Variants in EMILIN2 observed in about 807,000 individuals in gnomAD.
The protein encoded by EMILIN2 is EMILIN-2.
Under a neutral mutation model 87.1 loss-of-function variants are expected in EMILIN2, and 71 were observed. The observed-to-expected ratio is 0.82, with a 90% CI of 0.67 to 0.99. EMILIN2 has a LOEUF of 0.99. Among genes scored for constraint, EMILIN2 ranks in the 50% least tolerant of loss-of-function variants. The pLI is 0.00. For synonymous variants in EMILIN2, 581 were observed against 563.4 expected (o/e 1.03, Z -0.44); for missense variants, 1,407 against 1,371.8 (o/e 1.03, Z -0.40).
intron 2 of EMILIN2, among the ~76,000 whole-genome samples, chr18:2,878,508 AAG>A (rs1555667442): frequency 2.0e-5 from 3 of 152,118 alleles, no homozygotes; most frequent in South Asian, 4.1e-4. Flanking sequence ...AAAAAAAAAA[AAG>A]AGGCTAAATT....
At chr18:2,869,344 A>T (rs1252525128) in intron 2 of EMILIN2, among the ~76,000 whole-genome samples, 1 of 152,276 alleles carries the variant, frequency 6.6e-6, no homozygotes, top group Non-Finnish European at 1.5e-5. Context: ...GAAGTTGTAC[A>T]GTTTAATATT....
intron 2 of EMILIN2, among the ~76,000 whole-genome samples, chr18:2,884,017 G>A (rs1052692953): frequency 6.6e-6 from 1 of 151,992 alleles, no homozygotes; most frequent in African/African-American, 2.4e-5. Context: ...GTGCAGTGGC[G>A]CGATCTCGGC....
rs1181786179 is a variant in EMILIN2, at chr18:2,848,183, G to A, written c.257+252G>A. On this transcript the variant is annotated intron_variant, in intron 2 of 7. Transcript: ENST00000254528. The surrounding 1 kb of genome is among the most constrained non-coding windows in gnomAD (Gnocchi z 4.1). ...AGTGTGGGGTCGCGGGGGCGTAGGA[G>A]AGGATGAACAAAGCTCCCACTCCCA... is the stretch of plus-strand genomic sequence containing the variant. 1.3e-5 allele frequency among the ~76,000 whole-genome samples: 2 copies of A among 152,248 alleles called. No individual in the cohort carries two copies. The highest frequency in any genetic ancestry group is 3.8e-4 in the East Asian group (2 of 5,196).
chr18:2,879,164 G>A (rs1400914454), intron 2 of EMILIN2, among the ~76,000 whole-genome samples: 1 of 152,152 alleles, frequency 6.6e-6, no homozygotes, highest in Non-Finnish European at 1.5e-5. Context: ...ATCAAGACGT[G>A]AACAGATGCG....
chr18:2,907,185 C>T (rs2144071074), intron 5 of EMILIN2, 100 bp downstream of exon 5: 1 of 1,168,618 alleles, frequency 8.6e-7, no homozygotes, highest in Non-Finnish European at 1.1e-6. Flanking sequence ...GGGGTCCAGC[C>T]TTCGGGGGGG....
intron 7 of EMILIN2, among the ~76,000 whole-genome samples, chr18:2,910,978 T>C (rs1336145190): frequency 1.3e-5 from 2 of 152,322 alleles, no homozygotes; most frequent in South Asian, 2.1e-4. Context: ...TCCAGGCCTC[T>C]GCTCAGAGTG....
At chr18:2,898,113 C>A (rs1168926539) in intron 4 of EMILIN2, among the ~76,000 whole-genome samples, 1 of 152,212 alleles carries the variant, frequency 6.6e-6, no homozygotes, top group Admixed American at 6.5e-5. Context: ...TCTCAGCAGG[C>A]ATCCTCTTTT....
rs754222996 is a variant in EMILIN2 at position 2,909,778 on chromosome 18, A to G, written c.2783A>G (p.Lys928Arg). ...PSDGGVVLFN[K>R]VLVNDGDVYN... Reference sequence around the variant, plus strand: ...GATGGGGGCGTTGTCCTCTTTAACAAAGTGCTGGTGAACGACGGGGATGTT... The same window carrying G: ...GATGGGGGCGTTGTCCTCTTTAACAGAGTGCTGGTGAACGACGGGGATGTT... The change falls in exon 7 of 8, where the codon AAA becomes AGA. Residue 928 changes from lysine (K) to arginine (R), a missense_variant. Coordinates refer to ENST00000254528, the MANE Select transcript of EMILIN2 (RefSeq NM_032048.3). The G allele has an allele frequency of 2.8e-5, 45 of 1,613,072 alleles. No individual in the cohort carries two copies. Among genetic ancestry groups the G allele is most frequent in the Non-Finnish European group, 3.8e-5 (45 of 1,179,736 alleles).
At chr18:2,912,205 ATTT>A (rs11401685) in intron 7 of EMILIN2, among the ~76,000 whole-genome samples, 2 of 151,106 alleles carry the variant, frequency 1.3e-5, no homozygotes, top group East Asian at 3.9e-4. Context: ...CGCCCATCTA[ATTT>A]TTTTTGTATT....
At position 2,884,160 on chromosome 18, in the gene EMILIN2, G is replaced by A. The variant is rs1391978781; in HGVS notation, c.258-804G>A. Among the ~76,000 whole-genome samples the A allele has an allele frequency of 3.3e-5, 5 of 152,174 alleles. No homozygotes were observed. The South Asian group carries it at 1.0e-3, about 31-fold the overall frequency. On this transcript the variant is annotated intron_variant, in intron 2 of 7. Transcript: ENST00000254528. ...TTTAGTAGAGACGGGGTTTCACCGTGTTAGCCAGGATGGTCTCGATCTCCT... is the reference window on the plus strand; with the variant it reads ...TTTAGTAGAGACGGGGTTTCACCGTATTAGCCAGGATGGTCTCGATCTCCT...
intron 4 of EMILIN2, among the ~76,000 whole-genome samples, chr18:2,905,775 G>GTTTTTTTTT (rs1006831509): frequency 2.2e-5 from 2 of 92,712 alleles, no homozygotes; most frequent in African/African-American, 4.3e-5. Context: ...GCTAATTTTT[G>GTTTTTTTTT]TTTTTTTGTT....
At chr18:2,857,914 A>G (rs1394153996) in intron 2 of EMILIN2, among the ~76,000 whole-genome samples, 1 of 152,050 alleles carries the variant, frequency 6.6e-6, no homozygotes, top group Non-Finnish European at 1.5e-5. Context: ...CCATCACAAC[A>G]AGTTTCATCA....
chr18:2,846,967 T>C (rs897194587), upstream of EMILIN2: 2 of 1,000,588 alleles, frequency 2.0e-6, no homozygotes, highest in East Asian at 1.1e-4. The surrounding 1 kb of genome is among the most constrained non-coding windows in gnomAD (Gnocchi z 5.3). Context: ...CTGTGCGTCA[T>C]TGAGGGACCG....
At chr18:2,897,495 G>A (rs1456252535) in intron 4 of EMILIN2, among the ~76,000 whole-genome samples, 1 of 152,160 alleles carries the variant, frequency 6.6e-6, no homozygotes, top group African/African-American at 2.4e-5. Context: ...TGCTGTAGGT[G>A]GCCACAGGTT....
chr18:2,899,137 G>A (rs184399432), intron 4 of EMILIN2, among the ~76,000 whole-genome samples: 126 of 152,296 alleles, frequency 8.3e-4, no homozygotes, highest in Non-Finnish European at 1.6e-3. Context: ...CTGCTCAGCA[G>A]CAGGGATGAG....
At chr18:2,877,225 G>A (rs556097280) in intron 2 of EMILIN2, among the ~76,000 whole-genome samples, 1 of 152,262 alleles carries the variant, frequency 6.6e-6, no homozygotes, top group Admixed American at 6.5e-5. Context: ...CTGTCAGTAG[G>A]ACAAAGTAGA....
chr18:2,872,363 A>G (rs1246024252), intron 2 of EMILIN2, among the ~76,000 whole-genome samples: 4 of 152,154 alleles, frequency 2.6e-5, no homozygotes, highest in African/African-American at 9.7e-5. Context: ...TGGAATTGTG[A>G]GAGATATAGT....
chr18:2,894,617 C>T lies in EMILIN2; in HGVS notation c.2359+2131C>T, dbSNP rs1314491782. On this transcript the variant is annotated intron_variant, in intron 4 of 7. Transcript: ENST00000254528. The surrounding 1 kb of genome is among the most constrained non-coding windows in gnomAD (Gnocchi z 5.0). ...TTAACATTTTCGCATTTGTCTGTTG[C>T]AGTAGGAGTTGGGGGGTGAATTCTT... is the stretch of plus-strand genomic sequence containing the variant. 6.6e-6 allele frequency among the ~76,000 whole-genome samples: 1 copy of T among 152,184 alleles called. No individual in the cohort carries two copies. The highest frequency in any genetic ancestry group is 2.4e-5 in the African/African-American group (1 of 41,438).
chr18:2,878,710 G>A (rs1265850589), intron 2 of EMILIN2, among the ~76,000 whole-genome samples: 1 of 152,066 alleles, frequency 6.6e-6, no homozygotes, highest in Admixed American at 6.5e-5. Flanking sequence ...CCCCCTGCCT[G>A]GCTAGGGTAC....
Sources: gnomAD v4.1 joint callset for allele counts (sites outside exome capture counted in the v4.1 genomes callset) on GRCh38, gnomAD v4.1.1 for gene constraint, Gnocchi (gnomAD v3.1) non-coding constraint, MANE v1.5 for transcripts, NCBI Gene and HGNC (gene_info 2026-07-23, HGNC 2026-07-21) for gene names.